Variants in SNCAIP observed in about 807,000 individuals in gnomAD.
The protein encoded by SNCAIP is synuclein alpha interacting protein.
Under a neutral mutation model 86.7 loss-of-function variants are expected in SNCAIP, and 43 were observed. The observed-to-expected ratio is 0.50, with a 90% CI of 0.39 to 0.64. The LOEUF (loss-of-function observed/expected upper bound fraction) is 0.64, where lower values mean the gene tolerates loss of function less well. Among genes scored for constraint, SNCAIP ranks in the 30% least tolerant of loss-of-function variants. The pLI, the probability that SNCAIP is intolerant of heterozygous loss-of-function variation, is 0.00. For missense variants in SNCAIP, 981 were observed against 1,103.1 expected, an observed-to-expected ratio of 0.89 and a Z score of 1.57; for synonymous variants, 417 against 427.2, an observed-to-expected ratio of 0.98 and a Z score of 0.29.
At chr5:122,340,764 CA>C (rs2152720609) in intron 1 of SNCAIP, among the ~76,000 whole-genome samples, 1 of 152,248 alleles carries the variant, frequency 6.6e-6, no homozygotes, top group Admixed American at 6.5e-5. Flanking sequence ...CTCAATTATT[CA>C]AAAGCACATA....
chr5:122,375,382 G>A (rs183128859), intron 1 of SNCAIP, among the ~76,000 whole-genome samples: 47 of 151,538 alleles, frequency 3.1e-4, no homozygotes, highest in Middle Eastern at 6.8e-3. Context: ...TCTTTGGACT[G>A]CTTCCGATAC....
intron 3 of SNCAIP, 32 bp from the exon 4 acceptor site, chr5:122,422,835 TA>T (rs1484450311): frequency 6.3e-7 from 1 of 1,587,200 alleles, no homozygotes; most frequent in Non-Finnish European, 8.7e-7. Flanking sequence ...CATTCCAGAT[TA>T]ATAGCTTTCT....
chr5:122,353,403 A>G (rs927097377), intron 1 of SNCAIP, among the ~76,000 whole-genome samples: 30 of 151,916 alleles, frequency 2.0e-4, no homozygotes, highest in African/African-American at 7.0e-4. Flanking sequence ...TATTTTTCAG[A>G]AAAAGCTTCA....
chr5:122,419,782 G>A (rs763211857), intron 3 of SNCAIP, among the ~76,000 whole-genome samples: 2 of 152,118 alleles, frequency 1.3e-5, no homozygotes, highest in Non-Finnish European at 2.9e-5. Context: ...TTGTTTCCAT[G>A]TATGGTAAGA....
chr5:122,427,578 G>A (rs542396920), intron 5 of SNCAIP, among the ~76,000 whole-genome samples: 4 of 152,148 alleles, frequency 2.6e-5, no homozygotes, highest in African/African-American at 7.2e-5. Flanking sequence ...CTGTCCTGAC[G>A]CATATTTTGT....
intron 5 of SNCAIP, among the ~76,000 whole-genome samples, chr5:122,428,507 G>A (rs575088170): frequency 6.6e-6 from 1 of 151,358 alleles, no homozygotes; most frequent in Non-Finnish European, 1.5e-5. Context: ...TTCTTGTCAA[G>A]TACACATGAA....
chr5:122,428,750 C>G (rs1236303061), intron 5 of SNCAIP, among the ~76,000 whole-genome samples: 1 of 151,892 alleles, frequency 6.6e-6, no homozygotes, highest in African/African-American at 2.4e-5. Context: ...CCCATCCCCC[C>G]ACCCCACAAC....
chr5:122,385,050 C>G (rs1767811232), intron 1 of SNCAIP, among the ~76,000 whole-genome samples: 1 of 152,234 alleles, frequency 6.6e-6, no homozygotes, highest in Admixed American at 6.5e-5. Context: ...CCACTCCCTT[C>G]CCATTCACAC....
intron 1 of SNCAIP, among the ~76,000 whole-genome samples, chr5:122,348,217 A>C (rs550404568): frequency 3.7e-4 from 56 of 152,278 alleles, no homozygotes; most frequent in Admixed American, 2.4e-3. Context: ...ATATTAGTTA[A>C]AGGAATGGGA....
chr5:122,402,146 CCAAAA>C (rs780960660), intron 2 of SNCAIP, among the ~76,000 whole-genome samples: 16 of 151,632 alleles, frequency 1.1e-4, no homozygotes, highest in Non-Finnish European at 8.8e-5. Flanking sequence ...CACATGGCAA[CCAAAA>C]CAAAAGGCCC....
intron 1 of SNCAIP, among the ~76,000 whole-genome samples, chr5:122,345,860 C>T (rs1457968417): frequency 6.6e-6 from 1 of 151,912 alleles, no homozygotes; most frequent in Non-Finnish European, 1.5e-5. Context: ...GCTTTGTTTC[C>T]CAGGCTGGTC....
intron 1 of SNCAIP, among the ~76,000 whole-genome samples, chr5:122,384,018 C>T (rs1048779796): frequency 6.6e-6 from 1 of 152,296 alleles, no homozygotes; most frequent in Middle Eastern, 3.4e-3. Flanking sequence ...GTGATGATGT[C>T]TACCATTTCT....
intron 1 of SNCAIP, among the ~76,000 whole-genome samples, chr5:122,362,994 T>A (rs1393205882): frequency 3.0e-5 from 3 of 100,856 alleles, no homozygotes; most frequent in Admixed American, 2.8e-4. Flanking sequence ...ATAAATTCTA[T>A]TTTTTTTTTT....
intron 1 of SNCAIP, among the ~76,000 whole-genome samples, chr5:122,326,174 C>G (rs1753976075): frequency 6.6e-6 from 1 of 152,134 alleles, no homozygotes; most frequent in South Asian, 2.1e-4. Flanking sequence ...GACAGATGAT[C>G]CTTAGGAATG....
At position 122,352,532 on chromosome 5, in the gene SNCAIP, G is replaced by A. The variant is rs373279586; in HGVS notation, c.-46-38557G>A. ...GCCAAGAAAAAGACTCATCAATTGT[G>A]GGCAAATGATGCAATATCAGAAGAC... On this transcript the variant is annotated intron_variant, in intron 1 of 10. Transcript: ENST00000261368. Among the ~76,000 whole-genome samples the A allele has an allele frequency of 8.5e-5, 13 of 152,108 alleles. No homozygotes were observed. In the East Asian group the frequency reaches 2.5e-3, roughly 29 times the overall value.
chr5:122,443,826 G>A (rs996624099), intron 7 of SNCAIP: 1 of 379,006 alleles, frequency 2.6e-6, no homozygotes, highest in Non-Finnish European at 5.2e-6. Context: ...TCTCCAGTGA[G>A]TGCCATGGTT....
At chr5:122,426,130 A>C (rs1777328371) in intron 5 of SNCAIP, among the ~76,000 whole-genome samples, 1 of 152,236 alleles carries the variant, frequency 6.6e-6, no homozygotes, top group African/African-American at 2.4e-5. Flanking sequence ...ATAGCACTGC[A>C]GCAAGTGCCT....
chr5:122,387,939 G>A lies in SNCAIP; in HGVS notation c.-46-3150G>A, dbSNP rs557842179. Among the ~76,000 whole-genome samples the A allele has an allele frequency of 2.6e-5, 4 of 152,344 alleles. No homozygotes were observed. The East Asian group carries it at 7.7e-4, about 29-fold the overall frequency. On this transcript the variant is annotated intron_variant, in intron 1 of 10. Coordinates refer to ENST00000261368, the MANE Select transcript of SNCAIP (RefSeq NM_005460.4). ...ACAAATTAAATCTTAGAATACAAAT[G>A]AAGTCAACATTTTTGGCAGGAGGCA... is the stretch of plus-strand genomic sequence containing the variant.
intron 1 of SNCAIP, among the ~76,000 whole-genome samples, chr5:122,344,013 C>G (rs1328344459): frequency 6.6e-6 from 1 of 152,124 alleles, no homozygotes; most frequent in Non-Finnish European, 1.5e-5. Context: ...GGGTACCATG[C>G]CTTCCACGGC....
Sources: allele counts gnomAD v4.1 joint callset (sites outside exome capture counted in the v4.1 genomes callset), GRCh38; gene constraint gnomAD v4.1.1; transcripts MANE v1.5; gene names NCBI Gene and HGNC (gene_info 2026-07-23, HGNC 2026-07-21).